C17orf78: variants seen among roughly 807,000 people sequenced by gnomAD.
C17orf78 encodes uncharacterized protein C17orf78.
Under a neutral mutation model 31.8 loss-of-function variants are expected in C17orf78, and 27 were observed. The ratio of observed to expected loss-of-function variants is 0.85; its 90% CI spans 0.63 to 1.17. The LOEUF (loss-of-function observed/expected upper bound fraction) is 1.17. Ranked by LOEUF, C17orf78 falls within the 50% of genes most tolerant of loss-of-function variation. C17orf78 has a pLI of 0.00. For missense variants in C17orf78, 258 were observed against 315.2 expected (o/e 0.82, Z 1.37); for synonymous variants, 106 against 115.1 (o/e 0.92, Z 0.51).
chr17:37,379,048 G>T, intron 2 of C17orf78, 89 bp from the exon 3 acceptor site: 2 of 1,430,520 alleles, frequency 1.4e-6, no homozygotes, highest in Non-Finnish European at 1.9e-6. Context: ...CTCCAGCTTG[G>T]GTGACAGAGC....
chr17:37,382,977 C>CA (rs1434619417), intron 3 of C17orf78, among the ~76,000 whole-genome samples: 1 of 152,180 alleles, frequency 6.6e-6, no homozygotes, highest in African/African-American at 2.4e-5. Context: ...GCGGAGGTTG[C>CA]AGTGAGCCAA....
chr17:37,381,587 A>G (rs917821465), intron 3 of C17orf78, among the ~76,000 whole-genome samples: 5 of 150,152 alleles, frequency 3.3e-5, no homozygotes, highest in Non-Finnish European at 7.4e-5. Context: ...ATTCTTTTTA[A>G]CAGTTTTACA....
intron 6 of C17orf78, 120 bp from the exon 7 acceptor site, chr17:37,391,527 C>T: frequency 1.2e-6 from 1 of 846,016 alleles, no homozygotes; most frequent in East Asian, 2.4e-5. Context: ...AACAAAGAGG[C>T]AAAATGAAGT....
Position 37,377,903 on chromosome 17 carries a change from TG to T in C17orf78, c.85del (p.Glu29AsnfsTer11). The T allele has an allele frequency of 6.2e-7, 1 of 1,611,368 alleles. No homozygotes were observed. The highest frequency in any genetic ancestry group is 8.5e-7 in the Non-Finnish European group (1 of 1,178,396). ...GACCTCAGAGATAGCAGTTGCCGAC[TG>T]GAACAGCTGCCTGGGATCTTCCCAA... is the stretch of plus-strand genomic sequence containing the variant. Reference protein sequence around the residue: ...KKDLRDSSCRLEQLPGIFPKD... With the variant: ...KKDLRDSSCRXEQLPGIFPKD... On this transcript the variant is annotated frameshift_variant, in exon 2 of 7. Coordinates refer to ENST00000615133, the MANE Select transcript of C17orf78 (RefSeq NM_173625.5). LOFTEE classifies it high-confidence loss of function.
In C17orf78 at chr17:37,379,367, C is replaced by T. The variant is rs1301760228; in HGVS notation, c.376C>T (p.Leu126Phe). The change falls in exon 3 of 7, where the codon CTT becomes TTT. Residue 126 changes from leucine to phenylalanine, a missense_variant. Coordinates refer to ENST00000615133, the MANE Select transcript of C17orf78 (RefSeq NM_173625.5). The part of the protein sequence containing the change: ...IPTSKFQTGS[L>F]LKGKAFLPGI... ...CACATCCAAGTTTCAGACTGGATCT[C>T]TTCTAAAAGGCAAAGGTGAGATTGG... The T allele has an allele frequency of 6.2e-7, 1 of 1,613,672 alleles. No individual in the cohort carries two copies. Among genetic ancestry groups the T allele is most frequent in the Admixed American group, 1.7e-5 (1 of 59,974 alleles).
chr17:37,390,330 A>ATATATATATATCTATATCTATATATC (rs1386032855), intron 6 of C17orf78, among the ~76,000 whole-genome samples: 5 of 41,592 alleles, frequency 1.2e-4, no homozygotes, highest in African/African-American at 5.1e-4. Context: ...ATATATATAT[A>ATATATATATATCTATATCTATATATC]TATAAAAGGC....
At position 37,391,682 on chromosome 17, in the gene C17orf78, G is replaced by T. The variant is rs751176142; in HGVS notation, c.786G>T (p.Lys262Asn). 2 of 1,613,898 alleles carry T rather than the reference G, an allele frequency of 1.2e-6. No individual in the cohort carries two copies. Among genetic ancestry groups the T allele is most frequent in the Non-Finnish European group, 1.7e-6 (2 of 1,179,868 alleles). ...GQDAANSSNP[K>N]KAAEITVIHQ... Reference sequence around the variant, plus strand: ...ATGCTGCCAATTCATCAAACCCAAAGAAAGCTGCAGAGATCACTGTTATCC... The same window carrying T: ...ATGCTGCCAATTCATCAAACCCAAATAAAGCTGCAGAGATCACTGTTATCC... The change falls in exon 7 of 7, where the codon AAG becomes AAT. Residue 262 changes from lysine (K) to asparagine (N), a missense_variant. Physicochemically the swap from Lys to Asn is moderately conservative, Grantham distance 94 (BLOSUM62 0). Transcript: ENST00000615133.
chr17:37,378,102 T>C, intron 2 of C17orf78, 137 bp downstream of exon 2: 1 of 737,882 alleles, frequency 1.4e-6, no homozygotes, highest in Non-Finnish European at 2.2e-6. Flanking sequence ...CCCAGGGGGC[T>C]TTCTGGAAAC....
rs60788220 is a variant in C17orf78 at position 37,390,175 on chromosome 17, T to TATATATATATATATATACAC, written c.750+814_750+815insTATATATATATATATACACA. 4.3e-4 allele frequency among the ~76,000 whole-genome samples: 19 copies of TATATATATATATATATACAC among 44,502 alleles called. 1 individual carries two copies. The highest frequency in any genetic ancestry group is 6.4e-4 in the East Asian group (1 of 1,574). The allele number at this position is 44,502 out of a possible 152,430, so 29.2% of individuals were successfully genotyped here. A position where few individuals can be genotyped will look rare whatever the true frequency, so the allele number is the denominator to read the frequency against. On this transcript the variant is annotated intron_variant, in intron 6 of 6. Coordinates refer to ENST00000615133, the MANE Select transcript of C17orf78 (RefSeq NM_173625.5). ...ATATATATATATATATATATATATA[T>TATATATATATATATATACAC]ACACACACACATTATATATAAATAT...
intron 6 of C17orf78, among the ~76,000 whole-genome samples, chr17:37,390,674 C>T (rs1192904204): frequency 5.3e-5 from 8 of 150,352 alleles, no homozygotes; most frequent in Non-Finnish European, 7.4e-5. Flanking sequence ...GTGCCTGTAG[C>T]CCTAGCTTCT....
chr17:37,388,875 G>A, intron 5 of C17orf78, 81 bp downstream of exon 5: 1 of 1,520,552 alleles, frequency 6.6e-7, no homozygotes, highest in South Asian at 1.2e-5. Flanking sequence ...GGCATAAGGA[G>A]AAAAGCATAG....
Position 37,378,763 on chromosome 17 carries a change from A to T in C17orf78, c.146-374A>T, listed in dbSNP as rs139305601. On this transcript the variant is annotated intron_variant, in intron 2 of 6. Coordinates refer to ENST00000615133, the MANE Select transcript of C17orf78 (RefSeq NM_173625.5). ...GCCATTGCACTCTAGCCTGGACCAC[A>T]AGAGCAAACGCTTCAAGGTCGGGTG... Among the ~76,000 whole-genome samples the T allele has an allele frequency of 7.5e-4, 113 of 151,294 alleles. 1 individual carries two copies. Among genetic ancestry groups the T allele is most frequent in the African/African-American group, 2.6e-3 (106 of 41,202 alleles).
chr17:37,377,862 C>T lies in C17orf78; in HGVS notation c.59-17C>T. 6.2e-7 allele frequency: 1 copy of T among 1,608,056 alleles called. No homozygotes were observed. The highest frequency in any genetic ancestry group is 8.5e-7 in the Non-Finnish European group (1 of 1,175,440). On this transcript the variant is annotated splice_polypyrimidine_tract_variant and intron_variant, in intron 1 of 6. Coordinates refer to ENST00000615133, the MANE Select transcript of C17orf78 (RefSeq NM_173625.5). The stretch of plus-strand genomic sequence containing the variant: ...AACCTTCCCCGGTTCCCCTCCTCCC[C>T]CTCTGCTCACCCCCAGACCTCAGAG...
At chr17:37,390,261 A>AATAT (rs1491416221) in intron 6 of C17orf78, among the ~76,000 whole-genome samples, 2,551 of 57,894 alleles carry the variant, frequency 0.044, 200 homozygotes, top group East Asian at 0.19. Context: ...TATTATATAT[A>AATAT]ATTATATATA....
chr17:37,379,034 T>G, intron 2 of C17orf78, 103 bp from the exon 3 acceptor site: 1 of 1,355,524 alleles, frequency 7.4e-7, no homozygotes, highest in Non-Finnish European at 9.9e-7. Context: ...ATTGCGACAC[T>G]GCACTCCAGC....
chr17:37,389,677 ACT>A (rs1260196598), intron 6 of C17orf78, among the ~76,000 whole-genome samples: 2 of 151,546 alleles, frequency 1.3e-5, no homozygotes, highest in East Asian at 3.9e-4. Context: ...ACAGAGTAAG[ACT>A]CTGTCTCAAA....
chr17:37,381,650 CAG>C (rs1350213667), intron 3 of C17orf78, among the ~76,000 whole-genome samples: 3 of 117,486 alleles, frequency 2.6e-5, no homozygotes, highest in South Asian at 2.9e-4. Context: ...TTTTTTGAGA[CAG>C]AGTCTCGCTC....
In C17orf78 at chr17:37,386,123, C is replaced by T. The variant is rs1330412673; in HGVS notation, c.506C>T (p.Thr169Ile). The T allele has an allele frequency of 1.6e-5, 25 of 1,542,978 alleles. No homozygotes were observed. Among genetic ancestry groups the T allele is most frequent in the African/African-American group, 2.7e-5 (2 of 73,072 alleles). ...GNKEGEKTTS[T>I]DTDENLEKRQ... Reference sequence around the variant, plus strand: ...AAAGAAGGAGAGAAAACTACAAGTACCGGTAATTTTTCTAGCTTTGAAATG... The same window carrying T: ...AAAGAAGGAGAGAAAACTACAAGTATCGGTAATTTTTCTAGCTTTGAAATG... Residue 169 changes from threonine (T) to isoleucine (I), a missense_variant and splice_region_variant, in exon 4 of 7, where the codon ACC becomes ATC. Transcript: ENST00000615133.
chr17:37,376,170 A>C lies in C17orf78; in HGVS notation c.58+20A>C. On this transcript the variant is annotated intron_variant, in intron 1 of 6. Coordinates refer to ENST00000615133, the MANE Select transcript of C17orf78 (RefSeq NM_173625.5). ...AGAAAGGTATGTAATTCTCTAGCCT[A>C]ATCTCCTGGAAAATACAGAGAGAGG... 1 of 1,593,322 alleles carries C rather than the reference A, an allele frequency of 6.3e-7. No individual in the cohort carries two copies. Among genetic ancestry groups the C allele is most frequent in the Admixed American group, 1.7e-5 (1 of 59,976 alleles).
Sources: gnomAD v4.1 joint callset for allele counts (sites outside exome capture counted in the v4.1 genomes callset) on GRCh38, gnomAD v4.1.1 for gene constraint, MANE v1.5 for transcripts, NCBI Gene and HGNC (gene_info 2026-07-23, HGNC 2026-07-21) for gene names.